Variants in TMEM232 observed in about 807,000 individuals in gnomAD.
The protein encoded by TMEM232 is transmembrane protein 232.
In TMEM232, 80 loss-of-function variants were observed where a neutral mutation model predicts 78.8. The observed-to-expected ratio is 1.01, with a 90% CI of 0.85 to 1.22. The LOEUF (loss-of-function observed/expected upper bound fraction) is 1.22, where lower values mean the gene tolerates loss of function less well. TMEM232 is among the 50% of genes most tolerant of loss of function. The pLI is 0.00. For missense variants in TMEM232, 881 were observed against 742.2 expected, an observed-to-expected ratio of 1.19 and a Z score of -2.17; for synonymous variants, 297 against 254.3, an observed-to-expected ratio of 1.17 and a Z score of -1.60.
At chr5:110,445,373 A>G (rs900790746) in intron 12 of TMEM232, among the ~76,000 whole-genome samples, 2 of 152,106 alleles carry the variant, frequency 1.3e-5, no homozygotes, top group African/African-American at 2.4e-5. Flanking sequence ...TATTACATTC[A>G]AGGAAATGAA....
intron 11 of TMEM232, among the ~76,000 whole-genome samples, chr5:110,554,808 G>T (rs1774882976): frequency 6.6e-6 from 1 of 151,952 alleles, no homozygotes; most frequent in South Asian, 2.1e-4. Flanking sequence ...GTAGTTGTCA[G>T]GTTATTTATT....
chr5:110,490,881 C>T (rs1765013238), intron 12 of TMEM232, among the ~76,000 whole-genome samples: 1 of 152,058 alleles, frequency 6.6e-6, no homozygotes, highest in Admixed American at 6.6e-5. Flanking sequence ...CTATACATCT[C>T]TCAGAAGAAA....
intron 11 of TMEM232, among the ~76,000 whole-genome samples, chr5:110,545,940 T>G (rs10061409): frequency 1.2e-3 from 189 of 152,298 alleles, no homozygotes; most frequent in African/African-American, 4.3e-3. Context: ...TGGAAGTATT[T>G]CAAACAAAGC....
intron 8 of TMEM232, among the ~76,000 whole-genome samples, chr5:110,616,423 T>C (rs960243917): frequency 5.3e-5 from 8 of 151,978 alleles, no homozygotes; most frequent in Admixed American, 2.0e-4. Context: ...TCAAAATGGA[T>C]TAAAGTCTAC....
intron 12 of TMEM232, among the ~76,000 whole-genome samples, chr5:110,476,716 TGCTA>T (rs1763295121): frequency 6.6e-6 from 1 of 152,104 alleles, no homozygotes; most frequent in Non-Finnish European, 1.5e-5. Flanking sequence ...ACCTCAAGTC[TGCTA>T]GCATTTCCCA....
At chr5:110,556,362 TTCC>T (rs200675216) in intron 11 of TMEM232, among the ~76,000 whole-genome samples, 5,768 of 149,288 alleles carry the variant, frequency 0.039, 179 homozygotes, top group African/African-American at 0.079. Flanking sequence ...TCCCTTCCCC[TTCC>T]TTCCTTCCTT....
At chr5:110,618,969 A>T (rs1373956222) in intron 7 of TMEM232, among the ~76,000 whole-genome samples, 1 of 152,220 alleles carries the variant, frequency 6.6e-6, no homozygotes, top group Non-Finnish European at 1.5e-5. Context: ...GTGGATTTCT[A>T]CTTTAAGGAC....
At chr5:110,461,733 T>C (rs537259369) in intron 12 of TMEM232, among the ~76,000 whole-genome samples, 36 of 152,336 alleles carry the variant, frequency 2.4e-4, no homozygotes, top group Middle Eastern at 3.4e-3. Flanking sequence ...CCAATGCTCA[T>C]TGACCATTCC....
intron 11 of TMEM232, among the ~76,000 whole-genome samples, chr5:110,535,323 T>G (rs1213342104): frequency 6.6e-6 from 1 of 152,074 alleles, no homozygotes; most frequent in African/African-American, 2.4e-5. Flanking sequence ...CTGAGCACCT[T>G]GTGACCCTCA....
chr5:110,624,502 T>C (rs1784168562), intron 7 of TMEM232, among the ~76,000 whole-genome samples: 1 of 152,154 alleles, frequency 6.6e-6, no homozygotes, highest in Non-Finnish European at 1.5e-5. Flanking sequence ...ATCAGTGCTC[T>C]TTCTGTTGCT....
chr5:110,665,621 C>A (rs1790460762), intron 2 of TMEM232, among the ~76,000 whole-genome samples: 1 of 151,274 alleles, frequency 6.6e-6, no homozygotes, highest in Non-Finnish European at 1.5e-5. Flanking sequence ...AGGGGAAATC[C>A]ATCCCGGTTA....
intron 11 of TMEM232, among the ~76,000 whole-genome samples, chr5:110,550,359 C>G (rs1206788846): frequency 2.6e-5 from 4 of 152,084 alleles, no homozygotes; most frequent in Non-Finnish European, 5.9e-5. Flanking sequence ...CCTTATGAGA[C>G]TCACGTAAAA....
At chr5:110,713,522 T>C (rs1481358308) in intron 1 of TMEM232, among the ~76,000 whole-genome samples, 3 of 152,004 alleles carry the variant, frequency 2.0e-5, no homozygotes, top group East Asian at 3.9e-4. Context: ...CCCATAAATA[T>C]ATACACCTAC....
At chr5:110,508,683 T>G in intron 12 of TMEM232, among the ~76,000 whole-genome samples, 1 of 150,488 alleles carries the variant, frequency 6.6e-6, no homozygotes, top group African/African-American at 2.4e-5. Context: ...ATGTAAAGTT[T>G]CTGGTCAAGC....
At chr5:110,655,208 G>GA (rs1366164474) in intron 2 of TMEM232, among the ~76,000 whole-genome samples, 2 of 151,382 alleles carry the variant, frequency 1.3e-5, no homozygotes, top group Admixed American at 6.6e-5. Flanking sequence ...AAATTTACAA[G>GA]AAAAAAAACA....
chr5:110,700,147 C>A (rs750285381), intron 1 of TMEM232, among the ~76,000 whole-genome samples: 2 of 151,990 alleles, frequency 1.3e-5, no homozygotes, highest in Non-Finnish European at 2.9e-5. Context: ...AATAATTCCC[C>A]AGGTATTTTC....
At chr5:110,575,238 G>T (rs1777444014) in intron 10 of TMEM232, among the ~76,000 whole-genome samples, 1 of 151,760 alleles carries the variant, frequency 6.6e-6, no homozygotes, top group Non-Finnish European at 1.5e-5. Flanking sequence ...CATCATTATT[G>T]ATCATTACAT....
chr5:110,394,576 A>G (rs1277947033), intron 3 of TMEM232, among the ~76,000 whole-genome samples: 3 of 152,196 alleles, frequency 2.0e-5, no homozygotes, highest in African/African-American at 7.2e-5. Context: ...ACTTACAGCT[A>G]TAAACTTTAC....
chr5:110,669,500 C>G (rs1304496080), intron 1 of TMEM232, among the ~76,000 whole-genome samples: 2 of 152,044 alleles, frequency 1.3e-5, no homozygotes, highest in Non-Finnish European at 2.9e-5. Flanking sequence ...AGCTCACCAA[C>G]CAAAAAAAAG....
Sources: allele counts gnomAD v4.1 joint callset (sites outside exome capture counted in the v4.1 genomes callset), GRCh38; gene constraint gnomAD v4.1.1; transcripts MANE v1.5; gene names NCBI Gene and HGNC (gene_info 2026-07-23, HGNC 2026-07-21).